Variants in SDK2 observed in about 807,000 individuals in gnomAD.
SDK2 encodes the protein protein sidekick-2.
A neutral mutation model predicts 253.9 loss-of-function variants in SDK2; 105 were observed. That is an observed-to-expected ratio of 0.41 (90% CI 0.35 to 0.49). The LOEUF (loss-of-function observed/expected upper bound fraction) is 0.49. Among genes scored for constraint, SDK2 ranks in the 20% least tolerant of loss-of-function variants. The probability of loss-of-function intolerance (pLI) is 0.06; values close to 1 mark genes in which losing one functional copy is unlikely to be tolerated. For synonymous variants in SDK2, 1,249 were observed against 1,234.9 expected (o/e 1.01, Z -0.24); for missense variants, 2,608 against 3,003.0 (o/e 0.87, Z 3.07).
chr17:73,589,452 C>A (rs189622406), intron 1 of SDK2, among the ~76,000 whole-genome samples: 131 of 152,358 alleles, frequency 8.6e-4, no homozygotes, highest in Non-Finnish European at 1.1e-3. Context: ...AGGCAAGGGA[C>A]GTGGCCTTGG....
intron 1 of SDK2, among the ~76,000 whole-genome samples, chr17:73,532,646 T>A (rs1169427421): frequency 3.3e-5 from 5 of 152,190 alleles, no homozygotes; most frequent in African/African-American, 1.2e-4. Context: ...GCCAGACTGA[T>A]GAGACAAACA....
In SDK2 at chr17:73,629,666, A is replaced by C. The variant is rs2046244703; in HGVS notation, c.64+14359T>G. Among the ~76,000 whole-genome samples the C allele has an allele frequency of 6.6e-6, 1 of 151,910 alleles. No individual in the cohort carries two copies. Among genetic ancestry groups the C allele is most frequent in the Non-Finnish European group, 1.5e-5 (1 of 67,980 alleles). On this transcript the variant is annotated intron_variant, in intron 1 of 44. Transcript: ENST00000392650. The surrounding 1 kb of genome is among the most constrained non-coding windows in gnomAD (Gnocchi z 5.0). ...GGTCATCCCTCTGGACTCCCAAATC[A>C]CCTGTCCTATAGTACCAACCACAGG... is the stretch of plus-strand genomic sequence containing the variant.
rs112092449 is a variant in SDK2 at position 73,466,095 on chromosome 17, G to A, written c.331+6017C>T. Among the ~76,000 whole-genome samples, 804 of 152,292 alleles carry A rather than the reference G, an allele frequency of 5.3e-3. 9 individuals are homozygous for A. The highest frequency in any genetic ancestry group is 0.018 in the African/African-American group (762 of 41,556). On this transcript the variant is annotated intron_variant, in intron 3 of 44. Transcript: ENST00000392650. ...CCCACTCTTGGGGTCATGCAAGTAC[G>A]GGGTGAGCACTTGAGAATGAGCACC...
chr17:73,454,902 C>T (rs968597360), intron 4 of SDK2, among the ~76,000 whole-genome samples: 8 of 152,158 alleles, frequency 5.3e-5, no homozygotes, highest in Non-Finnish European at 1.0e-4. Context: ...CAGGGTTTTG[C>T]CACGTTGCTC....
intron 1 of SDK2, among the ~76,000 whole-genome samples, chr17:73,538,205 T>C (rs533016437): frequency 6.6e-6 from 1 of 152,328 alleles, no homozygotes; most frequent in Admixed American, 6.5e-5. Flanking sequence ...GCCACGGTTG[T>C]GCTGATTTTA....
chr17:73,424,095 A>G lies in SDK2; in HGVS notation c.1584-3T>C. On this transcript the variant is annotated splice_region_variant and splice_polypyrimidine_tract_variant and intron_variant, in intron 12 of 44. Transcript: ENST00000392650. ...CCCCGTCCTTCTCCCAGATGTACCT[A>G]AAAGTAAGAAGAACCCGTAAGTACA... 1.2e-6 allele frequency: 2 copies of G among 1,609,836 alleles called. No homozygotes were observed. Among genetic ancestry groups the G allele is most frequent in the Non-Finnish European group, 1.7e-6 (2 of 1,178,758 alleles).
chr17:73,414,043 T>C (rs2063160113), intron 18 of SDK2, among the ~76,000 whole-genome samples: 1 of 150,956 alleles, frequency 6.6e-6, no homozygotes, highest in Non-Finnish European at 1.5e-5. Flanking sequence ...TCTTTTTCTC[T>C]CTCTCTTCTT....
In SDK2 at chr17:73,604,091, C is replaced by T. The variant is rs141660801; in HGVS notation, c.64+39934G>A. On this transcript the variant is annotated intron_variant, in intron 1 of 44. Coordinates refer to ENST00000392650, the MANE Select transcript of SDK2 (RefSeq NM_001144952.2). ...CGGAGGGAACGCCCGCGCCGGGCAG[C>T]GCCAGCGTCAGCCTTCCTGGCCAGG... is the stretch of plus-strand genomic sequence containing the variant. 1.3e-3 allele frequency among the ~76,000 whole-genome samples: 191 copies of T among 152,370 alleles called. 1 individual carries two copies. In the East Asian group the frequency reaches 0.024, roughly 19 times the overall value.
At chr17:73,438,204 G>T in intron 6 of SDK2, 50 bp from the exon 7 acceptor site, 1 of 1,496,056 alleles carries the variant, frequency 6.7e-7, no homozygotes, top group Middle Eastern at 1.7e-4. Context: ...ACTCCCAGAG[G>T]CCTGAGAGGC....
Position 73,414,847 on chromosome 17 carries a change from G to T in SDK2, c.2369-88C>A. ...CAGTAGAGAAAACGCAGGGGTGGGG[G>T]CTATAGCCTCTGCCTTGCACCCCCC... is the stretch of plus-strand genomic sequence containing the variant. On this transcript the variant is annotated intron_variant, in intron 17 of 44. Transcript: ENST00000392650. The T allele has an allele frequency of 2.5e-6, 2 of 803,948 alleles. 1 individual carries two copies. The highest frequency in any genetic ancestry group is 2.9e-5 in the South Asian group (2 of 68,126). The allele number at this position is 803,948 out of a possible 1,614,324, so 49.8% of individuals were successfully genotyped here.
intron 1 of SDK2, among the ~76,000 whole-genome samples, chr17:73,524,504 C>A (rs565641140): frequency 1.3e-5 from 2 of 152,212 alleles, no homozygotes; most frequent in Non-Finnish European, 2.9e-5. Context: ...TTGTATTCCC[C>A]TTTTTCCTGC....
At chr17:73,506,857 C>T (rs2063939701) in intron 2 of SDK2, among the ~76,000 whole-genome samples, 1 of 152,244 alleles carries the variant, frequency 6.6e-6, no homozygotes, top group Non-Finnish European at 1.5e-5. Flanking sequence ...TCTTCCTTCT[C>T]CCCACCTGGC....
At chr17:73,354,925 G>A (rs973943679) in intron 40 of SDK2, among the ~76,000 whole-genome samples, 3 of 151,608 alleles carry the variant, frequency 2.0e-5, no homozygotes, top group Non-Finnish European at 2.9e-5. Flanking sequence ...CGTGTAAGTC[G>A]AGCACTGCAG....
rs2063198718 is a variant in SDK2, at chr17:73,418,039, G to A, written c.2186+1127C>T. On this transcript the variant is annotated intron_variant, in intron 16 of 44. Transcript: ENST00000392650. ...TTTTTTTTTTTTTTTGTTTTTAGAT[G>A]GAGTCTCGCCCAGGCTGGAGTGCAG... 3.6e-5 allele frequency among the ~76,000 whole-genome samples: 3 copies of A among 84,322 alleles called. No homozygotes were observed. The South Asian group carries it at 1.1e-3, about 30-fold the overall frequency. 55.3% of individuals were successfully genotyped at this position (84,322 alleles called of 152,430 possible).
intron 36 of SDK2, among the ~76,000 whole-genome samples, chr17:73,373,890 GC>G (rs2062756383): frequency 6.7e-6 from 1 of 148,350 alleles, no homozygotes; most frequent in African/African-American, 2.6e-5. Flanking sequence ...GCCTACCTTG[GC>G]TTCCCAAAGT....
At chr17:73,472,300 G>T (rs1305717932) in intron 2 of SDK2, 82 bp from the exon 3 acceptor site, 1 of 906,938 alleles carries the variant, frequency 1.1e-6, no homozygotes, top group Non-Finnish European at 1.8e-6. Flanking sequence ...GAGGTCAGAG[G>T]TCGCCAGGTC....
At position 73,361,159 on chromosome 17, in the gene SDK2, T is replaced by A. The variant is rs1458166572; in HGVS notation, c.5467+525A>T. ...GTCACGGCCTCCAGGGGCTTTTGTCTAAGTGCAGACTGCCAGGTCCCACCT... is the reference window on the plus strand; with the variant it reads ...GTCACGGCCTCCAGGGGCTTTTGTCAAAGTGCAGACTGCCAGGTCCCACCT... On this transcript the variant is annotated intron_variant, in intron 39 of 44. Coordinates refer to ENST00000392650, the MANE Select transcript of SDK2 (RefSeq NM_001144952.2). The surrounding 1 kb of genome is among the most constrained non-coding windows in gnomAD (Gnocchi z 4.1). Among the ~76,000 whole-genome samples, 2 of 151,984 alleles carry A rather than the reference T, an allele frequency of 1.3e-5. No homozygotes were observed. The highest frequency in any genetic ancestry group is 1.3e-4 in the Admixed American group (2 of 15,250).
At chr17:73,406,605 G>A (rs12944702) in intron 18 of SDK2, among the ~76,000 whole-genome samples, 49,059 of 152,038 alleles carry the variant, frequency 0.32, 9,116 homozygotes, top group East Asian at 0.69. Flanking sequence ...AAAACAGAAA[G>A]CAATCAGACC....
rs1819106042 is a variant in SDK2 at position 73,612,067 on chromosome 17, A to C, written c.64+31958T>G. ...TCTCCCCACAGTACAGTTGTGAATT[A>C]AACATGTGGCCTAATGAGTTGATTT... On this transcript the variant is annotated intron_variant, in intron 1 of 44. Transcript: ENST00000392650. This position sits in a 1 kb window ranked among gnomAD's most constrained non-coding sequence, Gnocchi z 4.4. 6.6e-6 allele frequency among the ~76,000 whole-genome samples: 1 copy of C among 152,184 alleles called. No individual in the cohort carries two copies.
Sources: allele counts gnomAD v4.1 joint callset (sites outside exome capture counted in the v4.1 genomes callset), GRCh38; gene constraint gnomAD v4.1.1; non-coding constraint Gnocchi (gnomAD v3.1); transcripts MANE v1.5; gene names NCBI Gene and HGNC (gene_info 2026-07-23, HGNC 2026-07-21).